INSR: variants seen among roughly 807,000 people sequenced by gnomAD.
The protein encoded by INSR is insulin receptor.
A neutral mutation model predicts 142.6 loss-of-function variants in INSR; 67 were observed. The ratio of observed to expected loss-of-function variants is 0.47; its 90% confidence interval spans 0.39 to 0.58. The LOEUF (loss-of-function observed/expected upper bound fraction) is 0.58. Ranked by LOEUF, INSR falls within the 20% of genes least tolerant of loss-of-function variation. The probability of loss-of-function intolerance (pLI) is 0.00; values close to 1 mark genes in which losing one functional copy is unlikely to be tolerated. For synonymous variants in INSR, 756 were observed against 743.1 expected (o/e 1.02, Z -0.28); for missense variants, 1,248 against 1,833.2 (o/e 0.68, Z 5.83).
intron 2 of INSR, among the ~76,000 whole-genome samples, chr19:7,236,439 A>G (rs867736647): frequency 6.6e-6 from 1 of 152,212 alleles, no homozygotes; most frequent in Non-Finnish European, 1.5e-5. Context: ...ATGTCTCTCA[A>G]CAGCTAAAAT....
At position 7,167,806 on chromosome 19, in the gene INSR, C is replaced by A. The variant is rs1366234; in HGVS notation, c.1610+162G>T. On this transcript the variant is annotated intron_variant, in intron 7 of 21. Transcript: ENST00000302850. The stretch of plus-strand genomic sequence containing the variant: ...AAGCAGACACTATTGACTTTGCATG[C>A]CATCGACTGGTGAGATTGTAAAAAG... Among the ~76,000 whole-genome samples the A allele has an allele frequency of 0.21, 31,684 of 151,848 alleles. 3,656 individuals are homozygous for A. Among genetic ancestry groups the A allele is most frequent in the South Asian group, 0.26 (1,240 of 4,818 alleles).
At chr19:7,171,341 A>T (rs1302026308) in intron 5 of INSR, among the ~76,000 whole-genome samples, 1 of 151,960 alleles carries the variant, frequency 6.6e-6, no homozygotes, top group Non-Finnish European at 1.5e-5. Context: ...TTACCAGCTC[A>T]TGTTGATTAA....
intron 2 of INSR, among the ~76,000 whole-genome samples, chr19:7,250,404 T>TCGCCGTATCATTA (rs1976678356): frequency 1.0e-5 from 1 of 99,280 alleles, no homozygotes; most frequent in African/African-American, 4.0e-5. Context: ...GGAAGGGAGG[T>TCGCCGTATCATTA]AAGAAATAAA....
intron 2 of INSR, among the ~76,000 whole-genome samples, chr19:7,210,903 T>C (rs1005098922): frequency 3.3e-5 from 5 of 152,024 alleles, no homozygotes; most frequent in South Asian, 2.1e-4. Context: ...CTAATTATTA[T>C]ATTTTTAGTA....
intron 1 of INSR, among the ~76,000 whole-genome samples, chr19:7,289,305 G>T (rs1455878344): frequency 6.6e-6 from 1 of 152,044 alleles, no homozygotes; most frequent in Non-Finnish European, 1.5e-5. Flanking sequence ...GCTGGACAGG[G>T]TGGAGGCTGG....
intron 2 of INSR, among the ~76,000 whole-genome samples, chr19:7,256,718 C>A (rs1287841380): frequency 2.0e-5 from 3 of 151,896 alleles, no homozygotes; most frequent in Non-Finnish European, 4.4e-5. Flanking sequence ...AGAGTTGAGA[C>A]CCTTGTCTCA....
intron 1 of INSR, among the ~76,000 whole-genome samples, chr19:7,275,961 C>T (rs1019519716): frequency 2.0e-5 from 3 of 151,992 alleles, no homozygotes; most frequent in Non-Finnish European, 2.9e-5. Flanking sequence ...GGAGAGAAGG[C>T]GGACATGAGA....
chr19:7,173,228 A>C (rs953533046), intron 4 of INSR, among the ~76,000 whole-genome samples: 28 of 152,166 alleles, frequency 1.8e-4, no homozygotes, highest in African/African-American at 6.3e-4. Context: ...AAAATCCATC[A>C]AGGTAAGGAC....
chr19:7,280,998 C>T (rs1968191658), intron 1 of INSR, among the ~76,000 whole-genome samples: 1 of 152,182 alleles, frequency 6.6e-6, no homozygotes, highest in South Asian at 2.1e-4. Flanking sequence ...ACCCGGACAC[C>T]AACACCTTCT....
In INSR at chr19:7,184,674, A is replaced by AGG. The variant is rs1568470808; in HGVS notation, c.653-38_653-37insCC. ...GAGAGAGAGAGAGGGAAATAAATAA[A>AGG]TAAATAAATAAATAAATAAATAAAT... On this transcript the variant is annotated intron_variant, in intron 2 of 21. Transcript: ENST00000302850. 2.0e-4 allele frequency: 205 copies of AGG among 1,029,096 alleles called. 2 individuals are homozygous for AGG. The African/African-American group carries it at 3.5e-3, about 18-fold the overall frequency. 63.7% of individuals were successfully genotyped at this position (1,029,096 alleles called of 1,614,324 possible).
chr19:7,132,053 G>T, intron 14 of INSR, 105 bp downstream of exon 14: 2 of 1,421,236 alleles, frequency 1.4e-6, no homozygotes, highest in Non-Finnish European at 2.0e-6. Context: ...GAGAGTCAAG[G>T]CCAGGGCCAG....
chr19:7,250,481 AAGAGAAGGAAGGAAGGAAAG>A (rs972513241), intron 2 of INSR, among the ~76,000 whole-genome samples: 13 of 149,418 alleles, frequency 8.7e-5, no homozygotes, highest in Non-Finnish European at 1.5e-4. Context: ...AAAGAAAAGA[AAGAGAAGGAAGGAAGGAAAG>A]AGAGAAGGAT....
rs200400201 is a variant in INSR, at chr19:7,141,737, C to T, written c.2622G>A (p.Pro874=). 27 of 1,614,194 alleles carry T rather than the reference C, an allele frequency of 1.7e-5. No homozygotes were observed. The East Asian group carries it at 2.5e-4, about 15-fold the overall frequency. Residue 874 remains proline, a synonymous_variant, in exon 13 of 22, where the codon CCG becomes CCA. Coordinates refer to ENST00000302850, the MANE Select transcript of INSR (RefSeq NM_000208.4). ...NNVVHLMWQE[P]KEPNGLIVLY... is the part of the protein sequence containing the mutation. The stretch of plus-strand genomic sequence containing the variant: ...GCACGATCAGACCATTGGGCTCCTT[C>T]GGCTCCTGCCACATCAAGTGGACGA...
intron 20 of INSR, among the ~76,000 whole-genome samples, chr19:7,120,126 A>T (rs1972454136): frequency 6.6e-6 from 1 of 152,214 alleles, no homozygotes; most frequent in Non-Finnish European, 1.5e-5. Flanking sequence ...TGCATATCTG[A>T]TTGGCTCCTT....
chr19:7,134,152 C>A (rs945323525), intron 13 of INSR, among the ~76,000 whole-genome samples: 4 of 151,948 alleles, frequency 2.6e-5, no homozygotes, highest in African/African-American at 9.7e-5. Flanking sequence ...TAAGTCCAGC[C>A]TGGGTGACAG....
At chr19:7,134,525 C>T (rs2144838260) in intron 13 of INSR, among the ~76,000 whole-genome samples, 1 of 151,754 alleles carries the variant, frequency 6.6e-6, no homozygotes, top group East Asian at 1.9e-4. Context: ...CCAGCACTTT[C>T]AGGGGCCAAG....
intron 3 of INSR, among the ~76,000 whole-genome samples, chr19:7,181,824 G>A (rs374310137): frequency 3.6e-4 from 55 of 150,802 alleles, no homozygotes; most frequent in African/African-American, 1.1e-3. Flanking sequence ...CAGATGATCC[G>A]TCCACTTCGG....
chr19:7,175,703 C>T (rs1040258367), intron 3 of INSR, among the ~76,000 whole-genome samples: 5 of 151,964 alleles, frequency 3.3e-5, no homozygotes, highest in Admixed American at 3.3e-4. Flanking sequence ...GGTGTGGTGG[C>T]ACGTGCCTAT....
intron 2 of INSR, among the ~76,000 whole-genome samples, chr19:7,201,470 C>G (rs2145046669): frequency 6.6e-6 from 1 of 151,394 alleles, no homozygotes; most frequent in South Asian, 2.1e-4. Flanking sequence ...ACTAAAAATA[C>G]AAAAATTAGC....
Sources: allele counts gnomAD v4.1 joint callset (sites outside exome capture counted in the v4.1 genomes callset), GRCh38; gene constraint gnomAD v4.1.1; transcripts MANE v1.5; gene names NCBI Gene and HGNC (gene_info 2026-07-23, HGNC 2026-07-21).